Variants in CADM2 observed in about 807,000 individuals in gnomAD.
CADM2 encodes the protein immunoglobulin superfamily member 4D.
A neutral mutation model predicts 49.8 loss-of-function variants in CADM2; 12 were observed. The ratio of observed to expected loss-of-function variants is 0.24; its 90% CI spans 0.15 to 0.39. CADM2 has a LOEUF of 0.39. Ranked by LOEUF, CADM2 falls within the 10% of genes least tolerant of loss-of-function variation. CADM2 has a pLI of 1.00. For synonymous variants in CADM2, 214 were observed against 175.4 expected, an observed-to-expected ratio of 1.22 and a Z score of -1.74; for missense variants, 378 against 492.3, an observed-to-expected ratio of 0.77 and a Z score of 2.20.
At chr3:85,256,543 A>T (rs971322497) in intron 1 of CADM2, among the ~76,000 whole-genome samples, 1 of 152,118 alleles carries the variant, frequency 6.6e-6, no homozygotes, top group Admixed American at 6.6e-5. Flanking sequence ...TTGACTTTCT[A>T]CAAAGTGTTA....
intron 1 of CADM2, among the ~76,000 whole-genome samples, chr3:85,039,336 A>G (rs984259904): frequency 6.6e-6 from 1 of 151,392 alleles, no homozygotes; most frequent in African/African-American, 2.4e-5. Flanking sequence ...GTCCAGTCAG[A>G]GAATCTTTTT....
At chr3:85,978,615 C>T (rs1727083871) in intron 8 of CADM2, among the ~76,000 whole-genome samples, 1 of 151,506 alleles carries the variant, frequency 6.6e-6, no homozygotes. Context: ...AGCAAAATAA[C>T]AATAATAATA....
At chr3:85,373,398 C>T (rs1394173170) in intron 1 of CADM2, among the ~76,000 whole-genome samples, 1 of 152,106 alleles carries the variant, frequency 6.6e-6, no homozygotes, top group East Asian at 1.9e-4. Context: ...TGGTCTTGGG[C>T]AGCTCTGACC....
At chr3:85,850,426 A>G (rs904532832) in intron 3 of CADM2, among the ~76,000 whole-genome samples, 5 of 142,598 alleles carry the variant, frequency 3.5e-5, no homozygotes, top group South Asian at 2.2e-4. Context: ...CCGGGTTCAC[A>G]CCATTCTCCT....
At position 86,070,809 on chromosome 3, in the gene CADM2, C is replaced by A. The variant is rs1277847226; in HGVS notation, c.*4026C>A. ...ACTTGCTGTGTATGGATGTTGGAAA[C>A]CCATGTAATTATAATATGCATTTTG... On this transcript the variant is annotated 3_prime_UTR_variant, in exon 10 of 10. Transcript: ENST00000383699. 6.6e-6 allele frequency: 1 copy of A among 151,734 alleles called. No individual in the cohort carries two copies. The allele number at this position is 151,734 out of a possible 1,614,324, so 9.4% of individuals were successfully genotyped here.
intron 3 of CADM2, among the ~76,000 whole-genome samples, chr3:85,827,572 A>G (rs1323539772): frequency 6.6e-6 from 1 of 151,978 alleles, no homozygotes; most frequent in Non-Finnish European, 1.5e-5. Flanking sequence ...ATCATTTTCT[A>G]TCTCTTTTAT....
At position 85,813,250 on chromosome 3, in the gene CADM2, T is replaced by G. The variant is rs183748467; in HGVS notation, c.238+11054T>G. On this transcript the variant is annotated intron_variant, in intron 3 of 9. Coordinates refer to ENST00000383699, the MANE Select transcript of CADM2 (RefSeq NM_001167675.2). ...TTTGAATGATTGCCATTCTAACTGG[T>G]GTGTGATGGTATCTCACTGTGGTTT... is the stretch of plus-strand genomic sequence containing the variant. Among the ~76,000 whole-genome samples, 135 of 152,302 alleles carry G rather than the reference T, an allele frequency of 8.9e-4. 1 individual carries two copies. The highest frequency in any genetic ancestry group is 3.1e-3 in the African/African-American group (128 of 41,582).
intron 1 of CADM2, among the ~76,000 whole-genome samples, chr3:85,215,948 A>T (rs1261031903): frequency 5.3e-5 from 8 of 151,984 alleles, no homozygotes; most frequent in Non-Finnish European, 1.2e-4. Context: ...CTAGAGAATG[A>T]GGGAGGAGGA....
At chr3:85,150,923 A>AAAT (rs199583843) in intron 1 of CADM2, among the ~76,000 whole-genome samples, 17,007 of 146,734 alleles carry the variant, frequency 0.12, 1,623 homozygotes, top group African/African-American at 0.26. Context: ...AAATAAAAAT[A>AAAT]AATAATAATA....
At chr3:85,092,147 C>T (rs2037620834) in intron 1 of CADM2, among the ~76,000 whole-genome samples, 1 of 151,998 alleles carries the variant, frequency 6.6e-6, no homozygotes, top group Non-Finnish European at 1.5e-5. Flanking sequence ...AACAATGCGC[C>T]CTGTCCTGGA....
At chr3:85,310,313 A>G (rs1018274173) in intron 1 of CADM2, among the ~76,000 whole-genome samples, 1 of 152,208 alleles carries the variant, frequency 6.6e-6, no homozygotes, top group African/African-American at 2.4e-5. Flanking sequence ...TGGAGGGCAC[A>G]GGATTTCATA....
intron 5 of CADM2, among the ~76,000 whole-genome samples, chr3:85,904,454 A>C (rs1326969912): frequency 6.6e-6 from 1 of 152,224 alleles, no homozygotes; most frequent in Non-Finnish European, 1.5e-5. Flanking sequence ...CCTTGGGTAC[A>C]TCTATCCAGT....
chr3:85,798,545 T>A (rs1172678992), intron 2 of CADM2, among the ~76,000 whole-genome samples: 2 of 152,210 alleles, frequency 1.3e-5, no homozygotes, highest in African/African-American at 4.8e-5. Context: ...CCATTGCTTC[T>A]TTTTGTCACG....
chr3:85,299,275 C>T (rs1000767295), intron 1 of CADM2, among the ~76,000 whole-genome samples: 1 of 151,950 alleles, frequency 6.6e-6, no homozygotes, highest in Non-Finnish European at 1.5e-5. Context: ...AGATTAAAAG[C>T]ACCTATAAAT....
At chr3:85,907,868 G>A (rs971718336) in intron 5 of CADM2, among the ~76,000 whole-genome samples, 3 of 150,534 alleles carry the variant, frequency 2.0e-5, no homozygotes, top group Admixed American at 6.6e-5. Flanking sequence ...CCAAGATTGC[G>A]CCACTGTACT....
intron 1 of CADM2, among the ~76,000 whole-genome samples, chr3:85,295,693 A>G (rs958433166): frequency 2.6e-5 from 4 of 151,664 alleles, no homozygotes; most frequent in African/African-American, 7.3e-5. Context: ...CGCAAGAACA[A>G]AAAACCAAAC....
At chr3:85,504,950 G>C (rs1031312516) in intron 1 of CADM2, among the ~76,000 whole-genome samples, 2 of 152,072 alleles carry the variant, frequency 1.3e-5, no homozygotes, top group East Asian at 3.9e-4. Context: ...GGGGCCGGCA[G>C]GGCCGGCCGG....
At chr3:84,988,060 C>T (rs986720316) in intron 1 of CADM2, among the ~76,000 whole-genome samples, 2 of 152,138 alleles carry the variant, frequency 1.3e-5, no homozygotes, top group African/African-American at 2.4e-5. Flanking sequence ...AATGGGAACA[C>T]TTGACTTGCT....
intron 1 of CADM2, among the ~76,000 whole-genome samples, chr3:85,315,386 A>G (rs2044441705): frequency 6.6e-6 from 1 of 152,188 alleles, no homozygotes. Context: ...TCGGGGGTTA[A>G]AAGTTTAGCA....
Sources: allele counts gnomAD v4.1 joint callset (sites outside exome capture counted in the v4.1 genomes callset), GRCh38; gene constraint gnomAD v4.1.1; transcripts MANE v1.5; gene names NCBI Gene and HGNC (gene_info 2026-07-23, HGNC 2026-07-21).